Variants in ABI1 observed in about 807,000 individuals in gnomAD.
ABI1 encodes the protein abl interactor 1.
ABI1 carries 14 observed loss-of-function variants against 54.6 expected under a neutral mutation model. The ratio of observed to expected loss-of-function variants is 0.26; its 90% CI spans 0.17 to 0.40. The LOEUF is 0.40. Ranked by LOEUF, ABI1 falls within the 10% of genes least tolerant of loss-of-function variation. The pLI, the probability that ABI1 is intolerant of heterozygous loss-of-function variation, is 1.00. For synonymous variants in ABI1, 194 were observed against 209.3 expected, an observed-to-expected ratio of 0.93 and a Z score of 0.63; for missense variants, 443 against 598.3, an observed-to-expected ratio of 0.74 and a Z score of 2.71.
chr10:26,809,708 A>G (rs1297935044), intron 2 of ABI1, among the ~76,000 whole-genome samples: 1 of 152,228 alleles, frequency 6.6e-6, no homozygotes, highest in Admixed American at 6.5e-5. Flanking sequence ...ACACTAATTA[A>G]TGTTACTTTT....
At chr10:26,792,458 G>C (rs1486290599) in intron 2 of ABI1, among the ~76,000 whole-genome samples, 1 of 152,118 alleles carries the variant, frequency 6.6e-6, no homozygotes, top group East Asian at 1.9e-4. Flanking sequence ...CATAAGCCAG[G>C]GAAAAGAGGC....
intron 1 of ABI1, among the ~76,000 whole-genome samples, chr10:26,841,387 C>A (rs1479618246): frequency 6.8e-6 from 1 of 146,130 alleles, no homozygotes; most frequent in Non-Finnish European, 1.5e-5. Flanking sequence ...ATATATCAAC[C>A]CACATAGTTA....
At chr10:26,826,002 T>C (rs1424249492) in intron 1 of ABI1, among the ~76,000 whole-genome samples, 1 of 152,154 alleles carries the variant, frequency 6.6e-6, no homozygotes, top group Admixed American at 6.6e-5. Context: ...TGGAATCAAC[T>C]TCTTCCAAAA....
chr10:26,762,202 T>A (rs758262864), intron 7 of ABI1, among the ~76,000 whole-genome samples: 7 of 152,122 alleles, frequency 4.6e-5, no homozygotes, highest in Non-Finnish European at 8.8e-5. Context: ...AGAGATGAGG[T>A]CTTGCTATGT....
rs1430713816 is a variant in ABI1, at chr10:26,775,803, G to A, written c.462+1262C>T. ...TTAATAAATATGTATTGCTTTGGTA[G>A]GAAGAATAATCAAGGTGAGGCAAAA... is the stretch of plus-strand genomic sequence containing the variant. On this transcript the variant is annotated intron_variant, in intron 3 of 10. Coordinates refer to ENST00000376140, the MANE Select transcript of ABI1 (RefSeq NM_001012750.3). 5.3e-5 allele frequency among the ~76,000 whole-genome samples: 8 copies of A among 152,234 alleles called. No individual in the cohort carries two copies. In the East Asian group the frequency reaches 1.3e-3, roughly 26 times the overall value.
intron 2 of ABI1, among the ~76,000 whole-genome samples, chr10:26,808,928 G>C (rs1288025161): frequency 1.3e-5 from 2 of 151,962 alleles, no homozygotes; most frequent in African/African-American, 4.8e-5. Flanking sequence ...CACAGAAAGA[G>C]AAGTACAAAG....
chr10:26,838,070 C>T (rs1200567825), intron 1 of ABI1, among the ~76,000 whole-genome samples: 1 of 150,876 alleles, frequency 6.6e-6, no homozygotes, highest in Non-Finnish European at 1.5e-5. Flanking sequence ...GTCACCCAGG[C>T]TAGAGTACAG....
rs990718255 is a variant in ABI1 at position 26,855,742 on chromosome 10, G to A, written c.117+5005C>T. Among the ~76,000 whole-genome samples, 15 of 151,418 alleles carry A rather than the reference G, an allele frequency of 9.9e-5. 1 individual carries two copies. The East Asian group carries it at 2.8e-3, about 28-fold the overall frequency. The stretch of plus-strand genomic sequence containing the variant: ...TCCCAGCACTTTGGGAGGCCAAGGC[G>A]GGTGGATCACCCGAGGTCAGGAGTT... On this transcript the variant is annotated intron_variant, in intron 1 of 10. Coordinates refer to ENST00000376140, the MANE Select transcript of ABI1 (RefSeq NM_001012750.3).
chr10:26,848,666 T>G (rs2050174866), intron 1 of ABI1, among the ~76,000 whole-genome samples: 1 of 141,192 alleles, frequency 7.1e-6, no homozygotes, highest in African/African-American at 2.7e-5. Context: ...TGGAGTGCAA[T>G]GGTACCATCT....
At chr10:26,771,133 G>C in intron 3 of ABI1, 44 bp from the exon 4 acceptor site, 1 of 1,607,206 alleles carries the variant, frequency 6.2e-7, no homozygotes, top group Non-Finnish European at 8.5e-7. Context: ...AGACATTAAT[G>C]CTAGGTAAGT....
chr10:26,794,323 A>C (rs1001778792), intron 2 of ABI1, among the ~76,000 whole-genome samples: 2 of 152,050 alleles, frequency 1.3e-5, no homozygotes, highest in African/African-American at 2.4e-5. Context: ...AGGAGGCAGG[A>C]GAATTGCTTA....
chr10:26,794,224 C>G (rs1332071065), intron 2 of ABI1, among the ~76,000 whole-genome samples: 1 of 151,954 alleles, frequency 6.6e-6, no homozygotes, highest in East Asian at 1.9e-4. Context: ...GCCTGAGCAA[C>G]CCTGTCTCCA....
At chr10:26,857,346 A>C (rs921908109) in intron 1 of ABI1, among the ~76,000 whole-genome samples, 4 of 138,728 alleles carry the variant, frequency 2.9e-5, no homozygotes, top group Non-Finnish European at 4.6e-5. Flanking sequence ...AAAAAAAAAA[A>C]AAAACACTTT....
At chr10:26,762,505 G>T (rs1839371851) in intron 7 of ABI1, among the ~76,000 whole-genome samples, 1 of 152,044 alleles carries the variant, frequency 6.6e-6, no homozygotes, top group Non-Finnish European at 1.5e-5. Context: ...TGGTCTTAGG[G>T]TCCACTCTTA....
chr10:26,748,730 T>C lies in ABI1; in HGVS notation c.1286A>G (p.Asp429Gly), dbSNP rs1837216036. The change falls in exon 11 of 11, where the codon GAT becomes GGT. Residue 429 changes from aspartate (D) to glycine (G), a missense_variant. Coordinates refer to ENST00000376140, the MANE Select transcript of ABI1 (RefSeq NM_001012750.3). Reference protein sequence around the residue: ...NYIEKVVAIYDYTKDKDDELS... With the variant: ...NYIEKVVAIYGYTKDKDDELS... ...CTCATCATCCTTGTCTTTTGTATAA[T>C]CATATATTGCAACAACTATGGAAAA... 1.2e-6 allele frequency: 2 copies of C among 1,611,422 alleles called. No homozygotes were observed. Among genetic ancestry groups the C allele is most frequent in the Non-Finnish European group, 1.7e-6 (2 of 1,178,832 alleles).
At chr10:26,831,702 A>T (rs1367313649) in intron 1 of ABI1, among the ~76,000 whole-genome samples, 1 of 147,712 alleles carries the variant, frequency 6.8e-6, no homozygotes, top group Non-Finnish European at 1.5e-5. Flanking sequence ...TTCAAAACAT[A>T]GAAATTATTT....
intron 4 of ABI1, 129 bp downstream of exon 4, chr10:26,770,946 A>T: frequency 1.1e-6 from 1 of 937,452 alleles, no homozygotes; most frequent in South Asian, 1.4e-5. Context: ...TTGAGTATTA[A>T]ATAATCTACA....
chr10:26,758,969 T>C, intron 8 of ABI1, 93 bp downstream of exon 8: 4 of 1,234,942 alleles, frequency 3.2e-6, no homozygotes, highest in Non-Finnish European at 4.5e-6. Context: ...TGGTTTTCAA[T>C]TGTTGTCTAT....
Position 26,775,721 on chromosome 10 carries a change from G to A in ABI1, c.462+1344C>T, listed in dbSNP as rs372361981. 6.6e-5 allele frequency among the ~76,000 whole-genome samples: 10 copies of A among 152,204 alleles called. No individual in the cohort carries two copies. The South Asian group carries it at 1.0e-3, about 16-fold the overall frequency. ...TTTGAAATGTTAAACACAATTACTC[G>A]TTGAGGGATAAGGTAATGGAGGATA... is the stretch of plus-strand genomic sequence containing the variant. On this transcript the variant is annotated intron_variant, in intron 3 of 10. Coordinates refer to ENST00000376140, the MANE Select transcript of ABI1 (RefSeq NM_001012750.3).
Sources: allele counts gnomAD v4.1 joint callset (sites outside exome capture counted in the v4.1 genomes callset), GRCh38; gene constraint gnomAD v4.1.1; transcripts MANE v1.5; gene names NCBI Gene and HGNC (gene_info 2026-07-23, HGNC 2026-07-21).